GSE1: variants seen among roughly 807,000 people sequenced by gnomAD.
GSE1 encodes the protein Gse1 coiled-coil protein.
In GSE1, 32 loss-of-function variants were observed where a neutral mutation model predicts 112.6. The ratio of observed to expected loss-of-function variants is 0.28; its 90% CI spans 0.21 to 0.38. GSE1 has a LOEUF of 0.38. GSE1 is among the 10% of genes least tolerant of loss of function. The pLI is 1.00. For synonymous variants in GSE1, 1,115 were observed against 735.6 expected, an observed-to-expected ratio of 1.52 and a Z score of -8.35; for missense variants, 2,348 against 1,699.2, an observed-to-expected ratio of 1.38 and a Z score of -6.71.
At position 85,330,792 on chromosome 16, in the gene GSE1, C is replaced by T. The variant is rs75387352; in HGVS notation, c.2284-26671C>T. Among the ~76,000 whole-genome samples, 475 of 152,324 alleles carry T rather than the reference C, an allele frequency of 3.1e-3. 5 individuals are homozygous for T. The highest frequency in any genetic ancestry group is 0.011 in the African/African-American group (443 of 41,562). ...TAAATGTCAGTGGCCAAGCATGAGC[C>T]CTTGGGGCCCAGGGACACATCTTCC... On this transcript the variant is annotated intron_variant, in intron 1 of 2. Coordinates refer to the GSE1 transcript ENST00000637419.
intron 1 of GSE1, among the ~76,000 whole-genome samples, chr16:85,262,207 A>C (rs1907769146): frequency 6.6e-6 from 1 of 152,184 alleles, no homozygotes; most frequent in South Asian, 2.1e-4. Flanking sequence ...TAATGGTTTT[A>C]ATTTATCCCC....
At chr16:85,523,191 T>C (rs2052247981) in intron 2 of GSE1, among the ~76,000 whole-genome samples, 1 of 151,088 alleles carries the variant, frequency 6.6e-6, no homozygotes, top group African/African-American at 2.4e-5. Context: ...GTGTCTGCCC[T>C]GTGTGTGTGC....
chr16:85,553,580 G>A (rs997713138), upstream of GSE1, among the ~76,000 whole-genome samples: 5 of 152,154 alleles, frequency 3.3e-5, no homozygotes, highest in African/African-American at 1.2e-4. Flanking sequence ...ACTCAAAGAC[G>A]CTCCTCGCAC....
chr16:85,544,234 C>A (rs2044621356), intron 2 of GSE1, among the ~76,000 whole-genome samples: 1 of 152,128 alleles, frequency 6.6e-6, no homozygotes. Flanking sequence ...CGGGACAGTC[C>A]CCGCAGCGAA....
At chr16:85,183,490 C>T (rs553371034) in intron 1 of GSE1, among the ~76,000 whole-genome samples, 10 of 152,142 alleles carry the variant, frequency 6.6e-5, no homozygotes, top group Non-Finnish European at 1.0e-4. Flanking sequence ...ACCCAGACTC[C>T]TCCCTGCTCT....
intron 2 of GSE1, among the ~76,000 whole-genome samples, chr16:85,446,629 G>T (rs1386342867): frequency 6.6e-6 from 1 of 152,174 alleles, no homozygotes; most frequent in Non-Finnish European, 1.5e-5. Context: ...TGGGGTGTGG[G>T]TGGCTCAGTA....
chr16:85,307,975 C>T (rs999499390), intron 1 of GSE1, among the ~76,000 whole-genome samples: 2 of 152,184 alleles, frequency 1.3e-5, no homozygotes, highest in African/African-American at 4.8e-5. Flanking sequence ...AAGCTGATAG[C>T]AGGTTCTAGA....
At chr16:85,595,522 G>A (rs773950381) in intron 1 of GSE1, 3 of 152,190 alleles carry the variant, frequency 2.0e-5, no homozygotes, top group South Asian at 4.1e-4. Context: ...ACACTGGTAT[G>A]TTCCTTCCTG....
At chr16:85,328,412 G>A (rs1321527153) in intron 1 of GSE1, among the ~76,000 whole-genome samples, 3 of 152,198 alleles carry the variant, frequency 2.0e-5, no homozygotes, top group Non-Finnish European at 4.4e-5. Flanking sequence ...TAAAGGCACA[G>A]CGGGGGCCGG....
At chr16:85,443,207 C>T (rs1038771697) in intron 2 of GSE1, among the ~76,000 whole-genome samples, 1 of 152,352 alleles carries the variant, frequency 6.6e-6, no homozygotes, top group Middle Eastern at 3.4e-3. Flanking sequence ...TCCTCCCCAG[C>T]GTGCTGCTGC....
At chr16:85,519,976 T>G (rs1181173021) in intron 2 of GSE1, among the ~76,000 whole-genome samples, 1 of 152,080 alleles carries the variant, frequency 6.6e-6, no homozygotes, top group Non-Finnish European at 1.5e-5. Context: ...TGACCCACGG[T>G]GCTTTGGGGC....
At position 85,666,302 on chromosome 16, in the gene GSE1, G is replaced by A. The variant is rs1488122388; in HGVS notation, c.3085G>A (p.Glu1029Lys). Reference sequence around the variant, plus strand: ...AGAAGAGTTTGCACATCAGTTCCACGAGTCAGTGCTGCAGTCCACCCAGAA... The same window carrying A: ...AGAAGAGTTTGCACATCAGTTCCACAAGTCAGTGCTGCAGTCCACCCAGAA... The part of the protein sequence containing the change: ...VAEEFAHQFH[E>K]SVLQSTQKAL... The change falls in exon 13 of 16, where the codon GAG becomes AAG. Residue 1029 changes from glutamate to lysine, a missense_variant. By Grantham distance (56) the Glu-to-Lys change is moderately conservative (BLOSUM62 1). Transcript: ENST00000253458. The A allele has an allele frequency of 8.7e-6, 14 of 1,613,738 alleles. No individual in the cohort carries two copies. The highest frequency in any genetic ancestry group is 2.7e-5 in the African/African-American group (2 of 74,924).
intron 2 of GSE1, among the ~76,000 whole-genome samples, chr16:85,418,267 C>G (rs1252356626): frequency 6.6e-6 from 1 of 152,232 alleles, no homozygotes; most frequent in Non-Finnish European, 1.5e-5. Context: ...TGCCATGAAG[C>G]CAGTAACATG....
chr16:85,287,490 C>T (rs2045069951), intron 1 of GSE1, among the ~76,000 whole-genome samples: 1 of 152,174 alleles, frequency 6.6e-6, no homozygotes, highest in African/African-American at 2.4e-5. Flanking sequence ...CTCTGTTCTG[C>T]CCCTGCTGGC....
At chr16:85,462,574 C>A (rs1213245922) in intron 2 of GSE1, among the ~76,000 whole-genome samples, 1 of 151,708 alleles carries the variant, frequency 6.6e-6, no homozygotes, top group Non-Finnish European at 1.5e-5. Flanking sequence ...CACGGCGGAG[C>A]CTTAATTAGC....
intron 2 of GSE1, among the ~76,000 whole-genome samples, chr16:85,393,897 C>T (rs1317556039): frequency 1.3e-5 from 2 of 152,178 alleles, no homozygotes; most frequent in African/African-American, 4.8e-5. Context: ...GGTTGGCCGC[C>T]AGCTTGCGCC....
intron 2 of GSE1, among the ~76,000 whole-genome samples, chr16:85,475,117 C>A (rs535590787): frequency 2.8e-4 from 43 of 152,320 alleles, no homozygotes; most frequent in African/African-American, 9.6e-4. Context: ...CTCTGACGGG[C>A]AGTCCCTGCT....
intron 1 of GSE1, among the ~76,000 whole-genome samples, chr16:85,298,561 G>A (rs2045430909): frequency 6.6e-6 from 1 of 152,166 alleles, no homozygotes; most frequent in African/African-American, 2.4e-5. Flanking sequence ...CCAAGTAGCT[G>A]GGATTCCAGG....
At chr16:85,380,070 C>G (rs2047512418) in intron 2 of GSE1, among the ~76,000 whole-genome samples, 1 of 152,224 alleles carries the variant, frequency 6.6e-6, no homozygotes, top group African/African-American at 2.4e-5. Flanking sequence ...CTAGAACATT[C>G]TGATGGGCTA....
Sources: gnomAD v4.1 joint callset for allele counts (sites outside exome capture counted in the v4.1 genomes callset) on GRCh38, gnomAD v4.1.1 for gene constraint, MANE v1.5 for transcripts, NCBI Gene and HGNC (gene_info 2026-07-23, HGNC 2026-07-21) for gene names.